PLXNA1: variants seen among roughly 807,000 people sequenced by gnomAD.
PLXNA1 encodes the protein plexin A1.
Under a neutral mutation model 191.7 loss-of-function variants are expected in PLXNA1, and 77 were observed. The observed-to-expected ratio is 0.40, with a 90% CI of 0.33 to 0.49. The LOEUF is 0.49. Among genes scored for constraint, PLXNA1 ranks in the 20% least tolerant of loss-of-function variants. The pLI is 0.63. For missense variants in PLXNA1, 2,110 were observed against 2,660.2 expected, an observed-to-expected ratio of 0.79 and a Z score of 4.55; for synonymous variants, 1,137 against 1,156.4, an observed-to-expected ratio of 0.98 and a Z score of 0.34.
At chr3:127,000,134 G>C (rs2079033027) in intron 3 of PLXNA1, among the ~76,000 whole-genome samples, 1 of 151,890 alleles carries the variant, frequency 6.6e-6, no homozygotes, top group Admixed American at 6.5e-5. Flanking sequence ...GGCAGCGCCA[G>C]CTCCTGGTTT....
At chr3:127,019,269 G>A (rs2079141011) in intron 20 of PLXNA1, among the ~76,000 whole-genome samples, 1 of 151,730 alleles carries the variant, frequency 6.6e-6, no homozygotes, top group South Asian at 2.1e-4. Context: ...TGTTTTGTTT[G>A]CACAGGACTC....
Position 127,028,326 on chromosome 3 carries a change from C to A in PLXNA1, c.4655C>A (p.Ala1552Glu), listed in dbSNP as rs150420289. 3.1e-6 allele frequency: 5 copies of A among 1,611,236 alleles called. No individual in the cohort carries two copies. In the South Asian group the frequency reaches 3.3e-5, roughly 11 times the overall value. The change falls in exon 25 of 32, where the codon GCG becomes GAG. Residue 1552 changes from alanine to glutamate, a missense_variant. Physicochemically the swap from Ala to Glu is moderately radical, Grantham distance 107. This residue lies in a region of PLXNA1 where 559 missense variants were observed against 911.5 expected (regional missense o/e 0.61). Coordinates refer to ENST00000393409, the MANE Select transcript of PLXNA1 (RefSeq NM_032242.4). ...CCCTACTCCCAGCGGCCCAAGGCCG[C>A]GGACATGGACCTGGGTGAGCGGGCG... ...GVPYSQRPKAADMDLEWRQGR... is the reference protein window; with the variant it reads ...GVPYSQRPKAEDMDLEWRQGR...
At chr3:126,992,335 C>T (rs1253030292) in intron 3 of PLXNA1, among the ~76,000 whole-genome samples, 2 of 152,072 alleles carry the variant, frequency 1.3e-5, no homozygotes, top group East Asian at 3.9e-4. Context: ...CCCAGAGGCC[C>T]AGTGGGCAGT....
intron 1 of PLXNA1, among the ~76,000 whole-genome samples, chr3:126,984,818 C>T (rs545396613): frequency 2.0e-5 from 3 of 152,330 alleles, no homozygotes; most frequent in East Asian, 1.9e-4. Flanking sequence ...GGAAAGCCCC[C>T]GTGCACAGAG....
At chr3:127,004,251 T>C (rs2079054696) in intron 4 of PLXNA1, among the ~76,000 whole-genome samples, 1 of 152,228 alleles carries the variant, frequency 6.6e-6, no homozygotes, top group Admixed American at 6.5e-5. Context: ...TGTCTGGGCC[T>C]GCATTGGAGC....
intron 15 of PLXNA1, among the ~76,000 whole-genome samples, chr3:127,016,147 G>A (rs570776292): frequency 2.0e-5 from 3 of 152,172 alleles, no homozygotes; most frequent in Admixed American, 6.5e-5. Context: ...CCTGGCGTGC[G>A]TGGGACGGGC....
chr3:126,998,769 G>C (rs1333466200), intron 3 of PLXNA1, among the ~76,000 whole-genome samples: 3 of 152,216 alleles, frequency 2.0e-5, no homozygotes, highest in African/African-American at 7.2e-5. Context: ...GTCTAAGGCA[G>C]CCCTGGCTGT....
At chr3:127,029,623 C>T (rs966768806) in intron 27 of PLXNA1, 87 bp downstream of exon 27, 266 of 1,401,490 alleles carry the variant, frequency 1.9e-4, no homozygotes, top group African/African-American at 5.9e-4. Context: ...CTGCAGCAGC[C>T]GGACGGGAGG....
chr3:127,003,258 C>T, intron 3 of PLXNA1, 72 bp from the exon 4 acceptor site: 1 of 1,482,718 alleles, frequency 6.7e-7, no homozygotes, highest in Non-Finnish European at 9.0e-7. Flanking sequence ...AGACCCCTGA[C>T]CTTCTGTGGG....
At chr3:127,029,372 G>A in intron 26 of PLXNA1, 68 bp from the exon 27 acceptor site, 1 of 1,475,236 alleles carries the variant, frequency 6.8e-7, no homozygotes, top group South Asian at 1.1e-5. Flanking sequence ...TCCCCAGCCG[G>A]GGAGTGGGAG....
At chr3:127,032,107 G>C in intron 29 of PLXNA1, 1 of 433,230 alleles carries the variant, frequency 2.3e-6, no homozygotes, top group African/African-American at 2.0e-5. Flanking sequence ...GGGCCCCTGA[G>C]GGCCTGGTCA....
rs149221143 is a variant in PLXNA1 at position 127,005,158 on chromosome 3, G to A, written c.1812G>A (p.Thr604=). 181 of 1,612,686 alleles carry A rather than the reference G, an allele frequency of 1.1e-4. No homozygotes were observed. The African/African-American group carries it at 1.8e-3, about 16-fold the overall frequency. The change falls in exon 7 of 32, where the codon ACG becomes ACA. Residue 604 remains threonine, a synonymous_variant. Transcript: ENST00000393409. ...TCAACTGCTCCTTCGAGGACTTCAC[G>A]GAATCTGAGAGCGTCCTGGAGGATG... ...AGVNCSFEDF[T]ESESVLEDGR...
chr3:127,005,259 A>G lies in PLXNA1; in HGVS notation c.1897+16A>G. On this transcript the variant is annotated intron_variant, in intron 7 of 31. Coordinates refer to ENST00000393409, the MANE Select transcript of PLXNA1 (RefSeq NM_032242.4). Reference sequence around the variant, plus strand: ...CGGGGCCAGGGTGAGTGGCCCCAACACAATGGTGCCCGCTGCCTGGCCAGG... The same window carrying G: ...CGGGGCCAGGGTGAGTGGCCCCAACGCAATGGTGCCCGCTGCCTGGCCAGG... The G allele has an allele frequency of 1.3e-6, 2 of 1,595,518 alleles. No homozygotes were observed. The highest frequency in any genetic ancestry group is 1.7e-6 in the Non-Finnish European group (2 of 1,171,620).
intron 1 of PLXNA1, among the ~76,000 whole-genome samples, chr3:126,987,388 T>C (rs574886745): frequency 1.3e-5 from 2 of 152,218 alleles, no homozygotes; most frequent in Non-Finnish European, 2.9e-5. Flanking sequence ...AAGAGTGGCC[T>C]TAGCCTCTGC....
At chr3:127,010,193 G>A (rs1364651519) in intron 9 of PLXNA1, among the ~76,000 whole-genome samples, 1 of 152,188 alleles carries the variant, frequency 6.6e-6, no homozygotes, top group East Asian at 1.9e-4. Context: ...GAGCCTTTGG[G>A]GACAACCGGA....
In PLXNA1 at chr3:126,984,713, G is replaced by A. The variant is rs533763204; in HGVS notation, c.-74+1426G>A. ...TGTGGCCTCAGTGTGTGCTCTGGGGGTGGGGGACACATGAGGTGCCTGTGG... is the reference window on the plus strand; with the variant it reads ...TGTGGCCTCAGTGTGTGCTCTGGGGATGGGGGACACATGAGGTGCCTGTGG... On this transcript the variant is annotated intron_variant, in intron 1 of 31. Transcript: ENST00000393409. 2.0e-5 allele frequency among the ~76,000 whole-genome samples: 3 copies of A among 152,320 alleles called. No individual in the cohort carries two copies. In the South Asian group the frequency reaches 6.2e-4, roughly 32 times the overall value.
At chr3:127,016,811 C>G in intron 16 of PLXNA1, 127 bp downstream of exon 16, 1 of 1,385,348 alleles carries the variant, frequency 7.2e-7, no homozygotes, top group Non-Finnish European at 1.0e-6. Flanking sequence ...GGGAAGCACC[C>G]CTTGCCAAGA....
At chr3:126,998,556 A>G (rs1325524214) in intron 3 of PLXNA1, among the ~76,000 whole-genome samples, 2 of 152,152 alleles carry the variant, frequency 1.3e-5, no homozygotes, top group African/African-American at 4.8e-5. Context: ...TGGCCCCACC[A>G]GGTGTGGCCT....
chr3:127,029,053 T>A lies in PLXNA1; in HGVS notation c.4730T>A (p.Ile1577Asn). ...CAGGACGAGGACGTCACCACCAAGA[T>A]TGACAACGATTGGAAGAGGCTGAAC... ...ILQDEDVTTK[I>N]DNDWKRLNTL... The change falls in exon 26 of 32, where the codon ATT (isoleucine) becomes AAT (asparagine). Residue 1577 changes from isoleucine to asparagine, a missense_variant. Transcript: ENST00000393409. 6.2e-7 allele frequency: 1 copy of A among 1,613,656 alleles called. No individual in the cohort carries two copies. The highest frequency in any genetic ancestry group is 8.5e-7 in the Non-Finnish European group (1 of 1,179,902).
Sources: allele counts gnomAD v4.1 joint callset (sites outside exome capture counted in the v4.1 genomes callset), GRCh38; gene constraint gnomAD v4.1.1; regional missense constraint gnomAD v4.1.1; transcripts MANE v1.5; gene names NCBI Gene and HGNC (gene_info 2026-07-23, HGNC 2026-07-21).